The following SEC31A variants were observed in gnomAD, a reference collection of about 807,000 sequenced individuals.
The protein encoded by SEC31A is protein transport protein Sec31A.
Under a neutral mutation model 151.0 loss-of-function variants are expected in SEC31A, and 70 were observed. The observed-to-expected ratio is 0.46, with a 90% CI of 0.38 to 0.57. The LOEUF (loss-of-function observed/expected upper bound fraction) is 0.57, where lower values mean the gene tolerates loss of function less well. Among genes scored for constraint, SEC31A ranks in the 20% least tolerant of loss-of-function variants. SEC31A has a pLI of 0.00. For missense variants in SEC31A, 1,330 were observed against 1,471.2 expected, an observed-to-expected ratio of 0.90 and a Z score of 1.57; for synonymous variants, 475 against 505.9, an observed-to-expected ratio of 0.94 and a Z score of 0.82.
chr4:82,863,966 C>T (rs1395877234), intron 11 of SEC31A, among the ~76,000 whole-genome samples: 1 of 152,194 alleles, frequency 6.6e-6, no homozygotes, highest in East Asian at 1.9e-4. Flanking sequence ...GGAAAAATGC[C>T]TCCAACCTCT....
intron 20 of SEC31A, 39 bp downstream of exon 20, chr4:82,848,765 A>G: frequency 6.5e-7 from 1 of 1,549,988 alleles, no homozygotes; most frequent in East Asian, 2.3e-5. Context: ...GAAGAGAAAT[A>G]CAAAAGTGTT....
intron 11 of SEC31A, among the ~76,000 whole-genome samples, chr4:82,863,615 TA>T (rs1417839310): frequency 1.3e-5 from 2 of 152,024 alleles, no homozygotes; most frequent in African/African-American, 2.4e-5. Context: ...ATTATTTTTT[TA>T]AATAAGTTAT....
chr4:82,861,540 C>CAT, intron 14 of SEC31A, 91 bp downstream of exon 14: 1 of 735,920 alleles, frequency 1.4e-6, no homozygotes, highest in South Asian at 1.8e-5. Flanking sequence ...TTTATTTTGC[C>CAT]ATAAGTAGTC....
chr4:82,862,639 C>A (rs1202729319), intron 12 of SEC31A, 67 bp from the exon 13 acceptor site: 3 of 1,366,754 alleles, frequency 2.2e-6, no homozygotes, highest in African/African-American at 2.9e-5. Context: ...CAAATGTTCA[C>A]CTCTTGCTTC....
At position 82,854,839 on chromosome 4, in the gene SEC31A, A is replaced by C; in HGVS notation, c.2008+64T>G. On this transcript the variant is annotated intron_variant, in intron 17 of 26. Transcript: ENST00000395310. ...AGTTTCTAATAAAATTTGTCATTTAAGTTTATTTACAATATACCCTGCCAC... is the reference window on the plus strand; with the variant it reads ...AGTTTCTAATAAAATTTGTCATTTACGTTTATTTACAATATACCCTGCCAC... 11 of 1,393,706 alleles carry C rather than the reference A, an allele frequency of 7.9e-6. No homozygotes were observed. The South Asian group carries it at 2.0e-4, about 25-fold the overall frequency. The allele number at this position is 1,393,706 out of a possible 1,614,324, so 86.3% of individuals were successfully genotyped here.
rs144283038 is a variant in SEC31A, at chr4:82,886,075, G to T, written c.-4-4135C>A. Reference sequence around the variant, plus strand: ...GCCAAGATTGGAACTTGCAAGTTTAGCTCCAGAGTTCTTTCTACTTCCAAC... The same window carrying T: ...GCCAAGATTGGAACTTGCAAGTTTATCTCCAGAGTTCTTTCTACTTCCAAC... On this transcript the variant is annotated intron_variant, in intron 1 of 26. Transcript: ENST00000395310. Among the ~76,000 whole-genome samples the T allele has an allele frequency of 3.7e-4, 56 of 152,260 alleles. 1 individual carries two copies. In the Middle Eastern group the frequency reaches 0.017, roughly 46 times the overall value.
At chr4:82,863,493 T>G in intron 11 of SEC31A, 101 bp from the exon 12 acceptor site, 1 of 660,486 alleles carries the variant, frequency 1.5e-6, no homozygotes, top group East Asian at 2.9e-5. Context: ...TAAAAATATC[T>G]GAAGTCTACA....
intron 1 of SEC31A, among the ~76,000 whole-genome samples, chr4:82,883,065 A>G (rs1423531541): frequency 6.6e-6 from 1 of 152,226 alleles, no homozygotes. Flanking sequence ...GGTTACATTG[A>G]GCCGAGATCA....
In SEC31A at chr4:82,891,108, C is replaced by T. The variant is rs1235373490; in HGVS notation, c.-25G>A. ...CGCACCTGGCGAGGACCTTCGGCAG[C>T]CGGATCCTGCGTTAGTGCAGCGCTC... On this transcript the variant is annotated 5_prime_UTR_variant, in exon 1 of 27. Coordinates refer to ENST00000395310, the MANE Select transcript of SEC31A (RefSeq NM_001077207.4). 2 of 1,535,982 alleles carry T rather than the reference C, an allele frequency of 1.3e-6. No homozygotes were observed. Among genetic ancestry groups the T allele is most frequent in the Admixed American group, 3.9e-5 (2 of 51,000 alleles).
chr4:82,827,581 G>A lies in SEC31A; in HGVS notation c.3079C>T (p.Pro1027Ser). The A allele has an allele frequency of 6.2e-7, 1 of 1,614,210 alleles. No homozygotes were observed. The highest frequency in any genetic ancestry group is 8.5e-7 in the Non-Finnish European group (1 of 1,180,020). ...PVPITSPIMNPLGDPQSQMLQ... is the reference protein window; with the variant it reads ...PVPITSPIMNSLGDPQSQMLQ... ...ATTTGTGACTGGGGGTCACCCAACG[G>A]GTTCATGATTGGTGATGTGATGGGA... Residue 1027 changes from proline to serine, a missense_variant, in exon 24 of 27, where the codon CCG (proline) becomes TCG (serine). By Grantham distance (74) the Pro-to-Ser change is moderately conservative (BLOSUM62 -1). Coordinates refer to ENST00000395310, the MANE Select transcript of SEC31A (RefSeq NM_001077207.4).
At chr4:82,884,446 CCA>C (rs1333911412) in intron 1 of SEC31A, among the ~76,000 whole-genome samples, 2 of 152,218 alleles carry the variant, frequency 1.3e-5, no homozygotes, top group East Asian at 1.9e-4. Context: ...AAAAGTTGAG[CCA>C]CAAAGTACAA....
chr4:82,871,861 A>G (rs776917851), intron 7 of SEC31A, 83 bp downstream of exon 7: 33 of 1,581,632 alleles, frequency 2.1e-5, no homozygotes, highest in African/African-American at 2.7e-5. Flanking sequence ...CCTGTGTCCT[A>G]TGGTGTATTT....
chr4:82,868,414 C>G (rs905116446), intron 8 of SEC31A, among the ~76,000 whole-genome samples: 1 of 151,850 alleles, frequency 6.6e-6, no homozygotes, highest in Non-Finnish European at 1.5e-5. Context: ...GGTGGGAGGA[C>G]TGATGGAGCC....
At chr4:82,871,232 T>C in intron 7 of SEC31A, 1 of 1,183,768 alleles carries the variant, frequency 8.4e-7, no homozygotes, top group Non-Finnish European at 1.1e-6. Context: ...ATGGTATTCA[T>C]GATTAACGAA....
At position 82,880,888 on chromosome 4, in the gene SEC31A, A is replaced by G. The variant is rs1739127879; in HGVS notation, c.114T>C (p.Ser38=). ...TSAQQLDATF[S]TNASLEIFEL... ...CAAATATCTCAAGGGAAGCATTCGT[A>G]CTAAATGTTGCATCCAATTGCTGAG... Residue 38 remains serine, a synonymous_variant, in exon 3 of 27, where the codon AGT becomes AGC. Transcript: ENST00000395310. 2 of 1,611,180 alleles carry G rather than the reference A, an allele frequency of 1.2e-6. No homozygotes were observed. Among genetic ancestry groups the G allele is most frequent in the South Asian group, 2.2e-5 (2 of 90,898 alleles).
rs763989853 is a variant in SEC31A at position 82,864,352 on chromosome 4, G to C, written c.1434+10C>G. 1.0e-5 allele frequency: 16 copies of C among 1,577,296 alleles called. No homozygotes were observed. Among genetic ancestry groups the C allele is most frequent in the Admixed American group, 1.7e-5 (1 of 59,844 alleles). On this transcript the variant is annotated intron_variant, in intron 11 of 26. Transcript: ENST00000395310. ...TAATGAAATAATATAGCTTTAAACA[G>C]CAACTTTACCTTCAAAAAGGACCAC...
At position 82,848,832 on chromosome 4, in the gene SEC31A, C is replaced by G; in HGVS notation, c.2474G>C (p.Arg825Thr). 6.2e-7 allele frequency: 1 copy of G among 1,613,848 alleles called. No homozygotes were observed. Among genetic ancestry groups the G allele is most frequent in the Non-Finnish European group, 8.5e-7 (1 of 1,179,902 alleles). The change falls in exon 20 of 27, where the codon AGA becomes ACA. Residue 825 changes from arginine (R) to threonine (T), a missense_variant. By Grantham distance (71) the Arg-to-Thr change is moderately conservative. Transcript: ENST00000395310. ...GGGATAATATTGTTGAGTTTGAACTCTTGGCATCTGGTGGTGGCCAGCAAC... is the reference window on the plus strand; with the variant it reads ...GGGATAATATTGTTGAGTTTGAACTGTTGGCATCTGGTGGTGGCCAGCAAC... Reference protein sequence around the residue: ...GPVAGHHQMPRVQTQQYYPHG... With the variant: ...GPVAGHHQMPTVQTQQYYPHG...
chr4:82,843,641 C>T (rs1729401915), intron 21 of SEC31A: 1 of 149,598 alleles, frequency 6.7e-6, no homozygotes, highest in Admixed American at 6.9e-5. Flanking sequence ...GCACAGAACA[C>T]ATTCATTAAA....
intron 18 of SEC31A, 77 bp from the exon 19 acceptor site, chr4:82,851,681 C>A: frequency 7.9e-7 from 1 of 1,259,772 alleles, no homozygotes. Flanking sequence ...TCAAGAGTTA[C>A]TAAGATTTCT....
Sources: gnomAD v4.1 joint callset for allele counts (sites outside exome capture counted in the v4.1 genomes callset) on GRCh38, gnomAD v4.1.1 for gene constraint, MANE v1.5 for transcripts, NCBI Gene and HGNC (gene_info 2026-07-23, HGNC 2026-07-21) for gene names.